Variants in PDE8A observed in about 807,000 individuals in gnomAD.
PDE8A encodes high affinity cAMP-specific and IBMX-insensitive 3',5'-cyclic phosphodiesterase 8A.
PDE8A carries 59 observed loss-of-function variants against 105.0 expected under a neutral mutation model. The ratio of observed to expected loss-of-function variants is 0.56; its 90% CI spans 0.46 to 0.70. The LOEUF is 0.70. PDE8A is among the 30% of genes least tolerant of loss of function. The probability of loss-of-function intolerance (pLI) is 0.00; values close to 1 mark genes in which losing one functional copy is unlikely to be tolerated. For synonymous variants in PDE8A, 355 were observed against 371.9 expected (o/e 0.95, Z 0.52); for missense variants, 1,014 against 1,045.9 (o/e 0.97, Z 0.42).
chr15:84,982,581 G>C (rs1015256355), intron 1 of PDE8A, among the ~76,000 whole-genome samples: 1 of 151,908 alleles, frequency 6.6e-6, no homozygotes, highest in Non-Finnish European at 1.5e-5. Context: ...GACGCCGCCT[G>C]TGTCGCGGCG....
chr15:85,021,013 C>T (rs1278959411), intron 1 of PDE8A, among the ~76,000 whole-genome samples: 1 of 152,130 alleles, frequency 6.6e-6, no homozygotes, highest in East Asian at 1.9e-4. Context: ...TTGTTGAAAC[C>T]TAATCACTAA....
chr15:85,119,468 C>CAAAAAAAAAAAAAAACAAAA (rs546194907), intron 17 of PDE8A, among the ~76,000 whole-genome samples: 1 of 58,574 alleles, frequency 1.7e-5, no homozygotes. Context: ...ACTCTCGTCT[C>CAAAAAAAAAAAAAAACAAAA]AAAAAAAAAA....
intron 1 of PDE8A, among the ~76,000 whole-genome samples, chr15:84,996,740 C>G (rs901543095): frequency 1.4e-5 from 2 of 138,500 alleles, no homozygotes; most frequent in Non-Finnish European, 3.1e-5. Flanking sequence ...GCAGGAAAGT[C>G]GCTTGAACCC....
At position 84,982,216 on chromosome 15, in the gene PDE8A, G is replaced by T; in HGVS notation, c.54G>T (p.Ala18=). The change falls in exon 1 of 22, where the codon GCG becomes GCT. Residue 18 remains alanine (A), a synonymous_variant. Transcript: ENST00000394553. The stretch of plus-strand genomic sequence containing the variant: ...CCGAGCGCCTGGTGGCCGAGGACGC[G>T]CCTAGCCCCGCGGCACCGCCGCTGT... ...HISERLVAED[A]PSPAAPPLSS... is the part of the protein sequence containing the mutation. 6.8e-7 allele frequency: 1 copy of T among 1,480,382 alleles called. No individual in the cohort carries two copies. Among genetic ancestry groups the T allele is most frequent in the Admixed American group, 2.3e-5 (1 of 43,410 alleles). The allele number at this position is 1,480,382 out of a possible 1,614,324, so 91.7% of individuals were successfully genotyped here. A position where few individuals can be genotyped will look rare whatever the true frequency, so the allele number is the denominator to read the frequency against.
chr15:85,110,312 C>A (rs921861419), intron 12 of PDE8A, among the ~76,000 whole-genome samples: 11 of 152,278 alleles, frequency 7.2e-5, no homozygotes, highest in African/African-American at 2.6e-4. Flanking sequence ...TAATAAACAT[C>A]TTTTTCTTAT....
At chr15:85,071,773 C>G (rs773203293) in intron 3 of PDE8A, among the ~76,000 whole-genome samples, 1 of 152,066 alleles carries the variant, frequency 6.6e-6, no homozygotes, top group Non-Finnish European at 1.5e-5. Context: ...TGCATAGATG[C>G]GAATTGCATT....
At position 84,982,324 on chromosome 15, in the gene PDE8A, G is replaced by A. The variant is rs772068811; in HGVS notation, c.162G>A (p.Glu54=). Residue 54 remains glutamate, a synonymous_variant, in exon 1 of 22, where the codon GAG becomes GAA. Transcript: ENST00000394553. ...GCGGCGCCGGCCTCTTGGAGTCGGAGCTTCGCGACGGCAGCGGCAAGAAGG... is the reference window on the plus strand; with the variant it reads ...GCGGCGCCGGCCTCTTGGAGTCGGAACTTCGCGACGGCAGCGGCAAGAAGG... The part of the protein sequence containing the change: ...RTRGAGLLES[E]LRDGSGKKVA... The A allele has an allele frequency of 3.0e-6, 4 of 1,330,652 alleles. No homozygotes were observed. The East Asian group carries it at 9.1e-5, about 30-fold the overall frequency. The allele number at this position is 1,330,652 out of a possible 1,614,324, so 82.4% of individuals were successfully genotyped here. A position where few individuals can be genotyped will look rare whatever the true frequency, so the allele number is the denominator to read the frequency against.
At chr15:84,998,623 G>A (rs2080017270) in intron 1 of PDE8A, among the ~76,000 whole-genome samples, 1 of 152,160 alleles carries the variant, frequency 6.6e-6, no homozygotes, top group South Asian at 2.1e-4. Flanking sequence ...TTATCAATAT[G>A]TAGTCAGTAA....
At chr15:85,026,243 A>G (rs145762832) in intron 1 of PDE8A, among the ~76,000 whole-genome samples, 9 of 152,304 alleles carry the variant, frequency 5.9e-5, no homozygotes, top group Non-Finnish European at 1.3e-4. Context: ...ACAGGGTACA[A>G]TGGGAGGTGG....
intron 20 of PDE8A, among the ~76,000 whole-genome samples, chr15:85,133,477 A>C (rs2082358411): frequency 6.6e-6 from 1 of 152,158 alleles, no homozygotes; most frequent in Non-Finnish European, 1.5e-5. Context: ...ATTGTACCAC[A>C]CTGGGGAAGT....
intron 1 of PDE8A, among the ~76,000 whole-genome samples, chr15:84,992,372 G>T (rs745793788): frequency 6.6e-6 from 1 of 152,060 alleles, no homozygotes; most frequent in Non-Finnish European, 1.5e-5. Flanking sequence ...GGAAGGAAGG[G>T]TACGGGGGTT....
intron 13 of PDE8A, among the ~76,000 whole-genome samples, 172 bp downstream of exon 13, chr15:85,113,619 T>C (rs2082051246): frequency 6.6e-6 from 1 of 152,222 alleles, no homozygotes; most frequent in Non-Finnish European, 1.5e-5. Context: ...GCATTTTAAC[T>C]AGTCTTAAGT....
intron 1 of PDE8A, among the ~76,000 whole-genome samples, chr15:84,995,664 T>C (rs2079964653): frequency 6.6e-6 from 1 of 152,188 alleles, no homozygotes; most frequent in African/African-American, 2.4e-5. Context: ...CGTTATGTTT[T>C]TGGGATTCAT....
intron 5 of PDE8A, among the ~76,000 whole-genome samples, chr15:85,081,625 G>T (rs185400147): frequency 6.6e-6 from 1 of 152,290 alleles, no homozygotes; most frequent in African/African-American, 2.4e-5. Flanking sequence ...TGCTTTCTGA[G>T]GATCCCTGGA....
At chr15:85,134,562 G>T (rs568678123) in intron 20 of PDE8A, among the ~76,000 whole-genome samples, 2 of 151,974 alleles carry the variant, frequency 1.3e-5, no homozygotes, top group African/African-American at 2.4e-5. Context: ...ACCAAAGCAC[G>T]TGAATCCCAT....
chr15:85,111,047 A>G (rs930811378), intron 12 of PDE8A, among the ~76,000 whole-genome samples: 1 of 152,164 alleles, frequency 6.6e-6, no homozygotes, highest in Non-Finnish European at 1.5e-5. Context: ...AGTGTCATTC[A>G]GGTCTTTTGC....
chr15:85,052,570 CCA>C (rs2080993464), intron 1 of PDE8A, among the ~76,000 whole-genome samples: 1 of 152,142 alleles, frequency 6.6e-6, no homozygotes, highest in South Asian at 2.1e-4. Flanking sequence ...TCTCTGACGG[CCA>C]GTGATGATGA....
intron 5 of PDE8A, among the ~76,000 whole-genome samples, chr15:85,079,838 AG>A (rs1246979940): frequency 6.6e-6 from 1 of 152,126 alleles, no homozygotes. Context: ...CCTTGAACCC[AG>A]GAGGTGGAGG....
Position 85,138,806 on chromosome 15 carries a change from G to A in PDE8A, c.*903G>A, listed in dbSNP as rs2082455868. The A allele has an allele frequency of 6.6e-6, 1 of 152,164 alleles. No homozygotes were observed. The highest frequency in any genetic ancestry group is 6.5e-5 in the Admixed American group (1 of 15,278). The allele number at this position is 152,164 out of a possible 1,614,324, so 9.4% of individuals were successfully genotyped here. ...CTCTCTTGTTGGTTCGCAAAGAAAAGTTAGGACTTAACACTTTTTTCTAAA... is the reference window on the plus strand; with the variant it reads ...CTCTCTTGTTGGTTCGCAAAGAAAAATTAGGACTTAACACTTTTTTCTAAA... On this transcript the variant is annotated 3_prime_UTR_variant, in exon 22 of 22. Transcript: ENST00000394553.
Sources: allele counts gnomAD v4.1 joint callset (sites outside exome capture counted in the v4.1 genomes callset), GRCh38; gene constraint gnomAD v4.1.1; transcripts MANE v1.5; gene names NCBI Gene and HGNC (gene_info 2026-07-23, HGNC 2026-07-21).